The following SHANK2 variants were observed in gnomAD, a reference collection of about 807,000 sequenced individuals.
SHANK2 encodes SH3 and multiple ankyrin repeat domains protein 2.
SHANK2 carries 43 observed loss-of-function variants against 133.7 expected under a neutral mutation model. The ratio of observed to expected loss-of-function variants is 0.32; its 90% confidence interval spans 0.25 to 0.41. The LOEUF is 0.41. Ranked by LOEUF, SHANK2 falls within the 10% of genes least tolerant of loss-of-function variation. The pLI is 1.00. For synonymous variants in SHANK2, 1,017 were observed against 952.8 expected, an observed-to-expected ratio of 1.07 and a Z score of -1.24; for missense variants, 1,994 against 2,235.8, an observed-to-expected ratio of 0.89 and a Z score of 2.18.
chr11:70,546,097 ATTTTTTTT>A (rs57144719), intron 17 of SHANK2, among the ~76,000 whole-genome samples: 22 of 137,514 alleles, frequency 1.6e-4, no homozygotes, highest in African/African-American at 4.1e-4. Flanking sequence ...TATTTATTTA[ATTTTTTTT>A]TTTTTTTTTT....
At chr11:70,680,271 C>T (rs375247392) in intron 15 of SHANK2, among the ~76,000 whole-genome samples, 19 of 152,160 alleles carry the variant, frequency 1.2e-4, no homozygotes, top group Non-Finnish European at 1.2e-4. Flanking sequence ...TGTCCTGTGA[C>T]GGCTGTAACA....
chr11:70,927,183 CA>C (rs1950440779), intron 10 of SHANK2, among the ~76,000 whole-genome samples: 1 of 152,104 alleles, frequency 6.6e-6, no homozygotes, highest in Admixed American at 6.5e-5. Context: ...CACACGGAGA[CA>C]AAAGATTCTT....
intron 17 of SHANK2, among the ~76,000 whole-genome samples, chr11:70,629,723 C>T (rs1591671507): frequency 6.6e-6 from 1 of 152,208 alleles, no homozygotes; most frequent in South Asian, 2.1e-4. Flanking sequence ...CACCAGGGAG[C>T]ACCTGCTGCA....
intron 17 of SHANK2, among the ~76,000 whole-genome samples, chr11:70,623,898 T>C (rs1439032310): frequency 2.0e-5 from 3 of 152,170 alleles, no homozygotes; most frequent in East Asian, 1.9e-4. Context: ...TTCCAGCCTA[T>C]GGCCCCTCCC....
At chr11:71,124,324 CATA>C (rs1300743714) in intron 3 of SHANK2, among the ~76,000 whole-genome samples, 3 of 74,326 alleles carry the variant, frequency 4.0e-5, no homozygotes, top group East Asian at 9.2e-4. Context: ...TGATGGTGAT[CATA>C]ATGAGGATGA....
intron 9 of SHANK2, among the ~76,000 whole-genome samples, chr11:71,062,821 T>A (rs1224008204): frequency 6.6e-6 from 1 of 151,462 alleles, no homozygotes; most frequent in African/African-American, 2.4e-5. Context: ...TATAGCAAGA[T>A]CCCGTCTCTA....
intron 10 of SHANK2, chr11:70,910,869 A>C (rs1332816849): frequency 4.7e-6 from 2 of 422,234 alleles, no homozygotes; most frequent in Non-Finnish European, 4.8e-6. Flanking sequence ...AAACTGGATA[A>C]CACAATTGTT....
intron 11 of SHANK2, among the ~76,000 whole-genome samples, chr11:70,885,709 T>C (rs1949730601): frequency 6.6e-6 from 1 of 152,000 alleles, no homozygotes; most frequent in South Asian, 2.1e-4. Flanking sequence ...AAATCCACAA[T>C]TGCCCCGGGA....
In SHANK2 at chr11:70,504,891, C is replaced by T. The variant is rs542186257; in HGVS notation, c.2062-1960G>A. Among the ~76,000 whole-genome samples, 3 of 152,220 alleles carry T rather than the reference C, an allele frequency of 2.0e-5. No individual in the cohort carries two copies. In the East Asian group the frequency reaches 5.8e-4, roughly 29 times the overall value. On this transcript the variant is annotated intron_variant, in intron 17 of 25. Transcript: ENST00000601538. ...CACGCGTTATCGGGTTCTCTCCCCT[C>T]CCATGAGCACACCCGGGTAGTGGCT...
chr11:70,902,779 C>T (rs1274393435), intron 10 of SHANK2, among the ~76,000 whole-genome samples: 2 of 152,108 alleles, frequency 1.3e-5, no homozygotes, highest in East Asian at 1.9e-4. Context: ...AAGCCCCCTG[C>T]AAGAGTTGGC....
At chr11:70,615,465 C>T (rs573822778) in intron 17 of SHANK2, among the ~76,000 whole-genome samples, 1 of 152,272 alleles carries the variant, frequency 6.6e-6, no homozygotes, top group African/African-American at 2.4e-5. Context: ...TCCATCAACA[C>T]TTTAGTCCAA....
chr11:70,517,937 T>C (rs2059285240), intron 17 of SHANK2, among the ~76,000 whole-genome samples: 1 of 152,030 alleles, frequency 6.6e-6, no homozygotes, highest in South Asian at 2.1e-4. Flanking sequence ...AATTGAAAAA[T>C]AGGGAAAACA....
At chr11:70,502,175 T>C (rs782616356) in intron 19 of SHANK2, 31 bp downstream of exon 19, 12 of 1,550,002 alleles carry the variant, frequency 7.7e-6, no homozygotes, top group Non-Finnish European at 9.6e-6. Flanking sequence ...GCATGGTGAC[T>C]GTACAGGGCT....
At chr11:70,713,671 G>A (rs1003713647) in intron 14 of SHANK2, among the ~76,000 whole-genome samples, 9 of 152,158 alleles carry the variant, frequency 5.9e-5, no homozygotes, top group African/African-American at 1.7e-4. Flanking sequence ...CTGTCACAGC[G>A]CCGGGTGTCC....
At position 71,123,115 on chromosome 11, in the gene SHANK2, C is replaced by T. The variant is rs556547477; in HGVS notation, c.208-4083G>A. ...TGTTCACACCAGCTCCCGGCAAGCC[C>T]ACGACGTCAGAAGACACTTTGGATG... On this transcript the variant is annotated intron_variant, in intron 3 of 25. Coordinates refer to ENST00000601538, the MANE Select transcript of SHANK2 (RefSeq NM_012309.5). Among the ~76,000 whole-genome samples the T allele has an allele frequency of 2.6e-5, 4 of 152,298 alleles. No individual in the cohort carries two copies. In the South Asian group the frequency reaches 8.3e-4, roughly 32 times the overall value.
At chr11:70,667,668 C>A (rs1042980181) in intron 15 of SHANK2, among the ~76,000 whole-genome samples, 5 of 152,206 alleles carry the variant, frequency 3.3e-5, no homozygotes, top group African/African-American at 1.2e-4. Context: ...GTCACTTTAA[C>A]AAGCTCCCTT....
chr11:70,636,639 ATG>A (rs1340576010), intron 17 of SHANK2, among the ~76,000 whole-genome samples: 1 of 146,042 alleles, frequency 6.8e-6, no homozygotes, highest in Admixed American at 6.8e-5. Context: ...ATGTGTGCAA[ATG>A]TGTGAGCATA....
intron 17 of SHANK2, among the ~76,000 whole-genome samples, chr11:70,564,245 A>G (rs782421075): frequency 6.7e-6 from 1 of 149,870 alleles, no homozygotes; most frequent in Non-Finnish European, 1.5e-5. Context: ...TTCTTCAAAT[A>G]TTTTTCTTTT....
Position 70,707,939 on chromosome 11 carries a change from C to A in SHANK2, c.1778-9176G>T, listed in dbSNP as rs73527919. Among the ~76,000 whole-genome samples the A allele has an allele frequency of 3.0e-3, 460 of 152,308 alleles. 4 individuals are homozygous for A. The highest frequency in any genetic ancestry group is 0.011 in the African/African-American group (440 of 41,580). ...GGCACCTGTGTCAAGCCAGGCCAAT[C>A]ATCAGAACCTCCCCTGGGAATCTGG... On this transcript the variant is annotated intron_variant, in intron 14 of 25. Transcript: ENST00000601538.
Sources: allele counts gnomAD v4.1 joint callset (sites outside exome capture counted in the v4.1 genomes callset), GRCh38; gene constraint gnomAD v4.1.1; transcripts MANE v1.5; gene names NCBI Gene and HGNC (gene_info 2026-07-23, HGNC 2026-07-21).